CISD3: variants seen among roughly 807,000 people sequenced by gnomAD.
CISD3 encodes CDGSH iron-sulfur domain-containing protein 3, mitochondrial.
Under a neutral mutation model 14.1 loss-of-function variants are expected in CISD3, and 11 were observed. That is an observed-to-expected ratio of 0.78 (90% CI 0.49 to 1.29). The LOEUF is 1.29. Ranked by LOEUF, CISD3 falls within the 50% of genes most tolerant of loss-of-function variation. The pLI is 0.00. For missense variants in CISD3, 156 were observed against 171.6 expected (o/e 0.91, Z 0.51); for synonymous variants, 53 against 69.2 (o/e 0.77, Z 1.16).
chr17:38,735,285 A>C lies in CISD3; in HGVS notation c.*1830A>C. ...ATCTTGCGCCCCCTGCTGGTGGAGG[A>C]TGGTGTCTGCAGGCAGTTCAAGCTA... On this transcript the variant is annotated 3_prime_UTR_variant, in exon 4 of 4. Transcript: ENST00000613478. 1 of 1,485,688 alleles carries C rather than the reference A, an allele frequency of 6.7e-7. No homozygotes were observed. The highest frequency in any genetic ancestry group is 9.0e-7 in the Non-Finnish European group (1 of 1,107,096). 92.0% of individuals were successfully genotyped at this position (1,485,688 alleles called of 1,614,324 possible). A position where few individuals can be genotyped will look rare whatever the true frequency, so the allele number is the denominator to read the frequency against.
At chr17:38,730,938 C>A (rs1431017935) in intron 2 of CISD3, 143 bp downstream of exon 2, 1 of 888,680 alleles carries the variant, frequency 1.1e-6, no homozygotes, top group Non-Finnish European at 1.8e-6. Flanking sequence ...GTGGGGCGGA[C>A]CAGAGGGCAC....
chr17:38,735,172 A>C lies in CISD3; in HGVS notation c.*1717A>C, dbSNP rs999830118. On this transcript the variant is annotated 3_prime_UTR_variant, in exon 4 of 4. Transcript: ENST00000613478. ...GAGGTGGAAAAAAGGGCCCAGAAAAAGTGGAAGGAGTGGAGAGGCTTGGCT... is the reference window on the plus strand; with the variant it reads ...GAGGTGGAAAAAAGGGCCCAGAAAACGTGGAAGGAGTGGAGAGGCTTGGCT... The C allele has an allele frequency of 1.2e-5, 15 of 1,288,480 alleles. No individual in the cohort carries two copies. Among genetic ancestry groups the C allele is most frequent in the Non-Finnish European group, 1.5e-5 (15 of 1,002,046 alleles). 79.8% of individuals were successfully genotyped at this position (1,288,480 alleles called of 1,614,324 possible).
chr17:38,735,089 A>G lies in CISD3; in HGVS notation c.*1634A>G. 3.8e-6 allele frequency: 2 copies of G among 531,778 alleles called. No homozygotes were observed. The highest frequency in any genetic ancestry group is 3.1e-6 in the Non-Finnish European group (1 of 322,632). 32.9% of individuals were successfully genotyped at this position (531,778 alleles called of 1,614,324 possible). ...TTTTCCTATGTACATATATATATAT[A>G]TTTATTTATAAAACCCGCCCCCCAC... On this transcript the variant is annotated 3_prime_UTR_variant, in exon 4 of 4. Transcript: ENST00000613478.
In CISD3 at chr17:38,730,891, G is replaced by C. The variant is rs8080710; in HGVS notation, c.84+96G>C. On this transcript the variant is annotated intron_variant, in intron 2 of 3. Transcript: ENST00000613478. The stretch of plus-strand genomic sequence containing the variant: ...GGAAATGGAGCTAGGAAGAGTACAG[G>C]CCTATTCCCTGGAGTTAGCCCGTGG... The C allele has an allele frequency of 9.4e-3, 12,457 of 1,319,958 alleles. 840 individuals are homozygous for C. In the African/African-American group the frequency reaches 0.15, roughly 16 times the overall value. 81.8% of individuals were successfully genotyped at this position (1,319,958 alleles called of 1,614,324 possible). A position where few individuals can be genotyped will look rare whatever the true frequency, so the allele number is the denominator to read the frequency against.
In CISD3 at chr17:38,733,665, A is replaced by G; in HGVS notation, c.*210A>G. 3.5e-6 allele frequency: 2 copies of G among 565,576 alleles called. No individual in the cohort carries two copies. The highest frequency in any genetic ancestry group is 6.0e-6 in the Non-Finnish European group (2 of 333,336). The allele number at this position is 565,576 out of a possible 1,614,324, so 35.0% of individuals were successfully genotyped here. On this transcript the variant is annotated 3_prime_UTR_variant, in exon 4 of 4. Transcript: ENST00000613478. ...GGTTCAATGTTTGCTGATGGGGAAG[A>G]TGGCAAAAACAAGCCTGCCCAACCA...
At chr17:38,730,864 C>G in intron 2 of CISD3, 69 bp downstream of exon 2, 3 of 1,460,606 alleles carry the variant, frequency 2.1e-6, no homozygotes, top group Non-Finnish European at 9.4e-7. Flanking sequence ...AAGGCAGAAA[C>G]AGGAAATGGA....
Position 38,735,274 on chromosome 17 carries a change from G to T in CISD3, c.*1819G>T. The stretch of plus-strand genomic sequence containing the variant: ...CGTTGACAGTCATCTTGCGCCCCCT[G>T]CTGGTGGAGGATGGTGTCTGCAGGC... On this transcript the variant is annotated 3_prime_UTR_variant, in exon 4 of 4. Transcript: ENST00000613478. 1 of 1,474,314 alleles carries T rather than the reference G, an allele frequency of 6.8e-7. No homozygotes were observed. The highest frequency in any genetic ancestry group is 9.1e-7 in the Non-Finnish European group (1 of 1,101,948). The allele number at this position is 1,474,314 out of a possible 1,614,324, so 91.3% of individuals were successfully genotyped here. A position where few individuals can be genotyped will look rare whatever the true frequency, so the allele number is the denominator to read the frequency against.
intron 1 of CISD3, 72 bp downstream of exon 1, chr17:38,730,478 C>T: frequency 8.5e-7 from 1 of 1,169,670 alleles, no homozygotes; most frequent in Non-Finnish European, 1.2e-6. Flanking sequence ...CCACTCCAGC[C>T]CCGGCCCGGC....
At chr17:38,730,583 C>A in intron 1 of CISD3, 177 bp downstream of exon 1, 1 of 824,234 alleles carries the variant, frequency 1.2e-6, no homozygotes, top group Non-Finnish European at 1.9e-6. Flanking sequence ...AGGACCTCCG[C>A]AGCCAGCACC....
chr17:38,733,230 C>T (rs768150601), intron 3 of CISD3, 46 bp from the exon 4 acceptor site: 1 of 1,546,792 alleles, frequency 6.5e-7, no homozygotes, highest in South Asian at 1.2e-5. Context: ...CTGCCCTGCC[C>T]CAGCAGGTGG....
At chr17:38,733,169 C>G in intron 3 of CISD3, 107 bp from the exon 4 acceptor site, 1 of 1,051,090 alleles carries the variant, frequency 9.5e-7, no homozygotes, top group South Asian at 1.5e-5. Flanking sequence ...TGCTCTGGAG[C>G]CTGTACCCTA....
chr17:38,735,356 G>T lies in CISD3; in HGVS notation c.*1901G>T. ...GGCCCCACTGGCTGTCGAAGGGGGAGTGGGGGAGGTAGGGTGGGTGGCTGG... is the reference window on the plus strand; with the variant it reads ...GGCCCCACTGGCTGTCGAAGGGGGATTGGGGGAGGTAGGGTGGGTGGCTGG... On this transcript the variant is annotated 3_prime_UTR_variant, in exon 4 of 4. Coordinates refer to ENST00000613478, the MANE Select transcript of CISD3 (RefSeq NM_001136498.2). 6.4e-7 allele frequency: 1 copy of T among 1,560,460 alleles called. No individual in the cohort carries two copies. The highest frequency in any genetic ancestry group is 8.7e-7 in the Non-Finnish European group (1 of 1,150,552).
chr17:38,735,282 A>G lies in CISD3; in HGVS notation c.*1827A>G, dbSNP rs1367282284. ...GTCATCTTGCGCCCCCTGCTGGTGG[A>G]GGATGGTGTCTGCAGGCAGTTCAAG... On this transcript the variant is annotated 3_prime_UTR_variant, in exon 4 of 4. Transcript: ENST00000613478. 2 of 1,482,478 alleles carry G rather than the reference A, an allele frequency of 1.3e-6. No individual in the cohort carries two copies. The highest frequency in any genetic ancestry group is 1.4e-5 in the South Asian group (1 of 73,360). 91.8% of individuals were successfully genotyped at this position (1,482,478 alleles called of 1,614,324 possible).
At chr17:38,732,129 C>A (rs1251946403) in intron 3 of CISD3, among the ~76,000 whole-genome samples, 1 of 152,200 alleles carries the variant, frequency 6.6e-6, no homozygotes, top group Non-Finnish European at 1.5e-5. Flanking sequence ...CCAGCAGGAA[C>A]CTGCCCATAT....
At chr17:38,731,109 G>T (rs1906313731) in intron 2 of CISD3, 2 of 689,552 alleles carry the variant, frequency 2.9e-6, no homozygotes, top group South Asian at 2.0e-5. Context: ...CCTGAAACCT[G>T]AGTGCCTGCA....
At chr17:38,730,638 C>A in intron 1 of CISD3, 122 bp from the exon 2 acceptor site, 1 of 1,034,486 alleles carries the variant, frequency 9.7e-7, no homozygotes, top group Non-Finnish European at 1.5e-6. Flanking sequence ...TCCCTCGCCC[C>A]TTCAGCCCTG....
chr17:38,733,505 C>G lies in CISD3; in HGVS notation c.*50C>G, dbSNP rs2143738375. On this transcript the variant is annotated 3_prime_UTR_variant, in exon 4 of 4. Coordinates refer to ENST00000613478, the MANE Select transcript of CISD3 (RefSeq NM_001136498.2). ...GGTGGCCTTGGCTCCAGGCCTCTGA[C>G]AGGCACCCCCTTCTGTGGGAAAGGA... 1 of 1,455,886 alleles carries G rather than the reference C, an allele frequency of 6.9e-7. No individual in the cohort carries two copies. The highest frequency in any genetic ancestry group is 9.1e-7 in the Non-Finnish European group (1 of 1,097,330). 90.2% of individuals were successfully genotyped at this position (1,455,886 alleles called of 1,614,324 possible). A position where few individuals can be genotyped will look rare whatever the true frequency, so the allele number is the denominator to read the frequency against.
rs1182627975 is a variant in CISD3, at chr17:38,735,140, A to G, written c.*1685A>G. The G allele has an allele frequency of 1.6e-5, 17 of 1,089,938 alleles. No individual in the cohort carries two copies. The highest frequency in any genetic ancestry group is 3.7e-5 in the Admixed American group (1 of 26,820). 67.5% of individuals were successfully genotyped at this position (1,089,938 alleles called of 1,614,324 possible). ...CCCCAAGGTGGGAAGAGCTGGGGAA[A>G]GTAGAAGAGGTGGAAAAAAGGGCCC... On this transcript the variant is annotated 3_prime_UTR_variant, in exon 4 of 4. Transcript: ENST00000613478.
chr17:38,733,160 G>C, intron 3 of CISD3, 116 bp from the exon 4 acceptor site: 6 of 926,864 alleles, frequency 6.5e-6, no homozygotes, highest in Non-Finnish European at 9.7e-6. Flanking sequence ...TGGCAGTCTT[G>C]CTCTGGAGCC....
Sources: allele counts gnomAD v4.1 joint callset (sites outside exome capture counted in the v4.1 genomes callset), GRCh38; gene constraint gnomAD v4.1.1; transcripts MANE v1.5; gene names NCBI Gene and HGNC (gene_info 2026-07-23, HGNC 2026-07-21).